Variants in SH3RF3 observed in about 807,000 individuals in gnomAD.
SH3RF3 encodes SH3 domain containing ring finger 3.
A neutral mutation model predicts 66.3 loss-of-function variants in SH3RF3; 29 were observed. The ratio of observed to expected loss-of-function variants is 0.44; its 90% confidence interval spans 0.33 to 0.60. SH3RF3 has a LOEUF of 0.60. Ranked by LOEUF, SH3RF3 falls within the 20% of genes least tolerant of loss-of-function variation. SH3RF3 has a pLI of 0.04. For missense variants in SH3RF3, 1,194 were observed against 1,190.9 expected, an observed-to-expected ratio of 1.00 and a Z score of -0.04; for synonymous variants, 583 against 532.0, an observed-to-expected ratio of 1.10 and a Z score of -1.32.
At chr2:109,483,640 T>C (rs1025037422) in intron 8 of SH3RF3, among the ~76,000 whole-genome samples, 3 of 152,220 alleles carry the variant, frequency 2.0e-5, no homozygotes, top group African/African-American at 7.2e-5. Context: ...GGAATTGGCA[T>C]AGAGTTTGGT....
At chr2:109,449,112 G>A (rs1677790917) in intron 7 of SH3RF3, 58 bp from the exon 8 acceptor site, 8 of 1,545,538 alleles carry the variant, frequency 5.2e-6, no homozygotes, top group South Asian at 1.2e-5. Flanking sequence ...CTGCCTGGCA[G>A]GCATGGCAAG....
At chr2:109,235,428 A>G (rs530479502) in intron 1 of SH3RF3, among the ~76,000 whole-genome samples, 1 of 152,282 alleles carries the variant, frequency 6.6e-6, no homozygotes, top group African/African-American at 2.4e-5. Flanking sequence ...GTGACTAGGT[A>G]CCATACAAAT....
intron 5 of SH3RF3, among the ~76,000 whole-genome samples, chr2:109,420,623 T>G (rs1396760606): frequency 6.6e-6 from 1 of 152,080 alleles, no homozygotes; most frequent in Non-Finnish European, 1.5e-5. Context: ...ATTTTTGTAT[T>G]TTTAGTAGAG....
Position 109,449,167 on chromosome 2 carries a change from C to A in SH3RF3, c.1829-3C>A, listed in dbSNP as rs1346838621. ...CCTGCTGTCTCTCCAACCCCGTCTC[C>A]AGCTGCCCACTCTGCAGCCCAGGCT... On this transcript the variant is annotated splice_region_variant and splice_polypyrimidine_tract_variant and intron_variant, in intron 7 of 9. Transcript: ENST00000309415. 3 of 1,612,876 alleles carry A rather than the reference C, an allele frequency of 1.9e-6. No homozygotes were observed. The highest frequency in any genetic ancestry group is 2.5e-6 in the Non-Finnish European group (3 of 1,179,538).
At chr2:109,333,916 A>G (rs978670769) in intron 1 of SH3RF3, among the ~76,000 whole-genome samples, 1 of 152,238 alleles carries the variant, frequency 6.6e-6, no homozygotes. Flanking sequence ...TAAGGTTGCT[A>G]TGAAGTTCAG....
chr2:109,149,809 G>C (rs746476401), intron 1 of SH3RF3, among the ~76,000 whole-genome samples: 1 of 152,238 alleles, frequency 6.6e-6, no homozygotes, highest in Non-Finnish European at 1.5e-5. Flanking sequence ...TTGTAGTGCA[G>C]GTATTTTTGT....
intron 1 of SH3RF3, among the ~76,000 whole-genome samples, chr2:109,150,392 G>T (rs998122008): frequency 6.6e-6 from 1 of 152,196 alleles, no homozygotes; most frequent in African/African-American, 2.4e-5. Context: ...ATAACCTGAT[G>T]ATAGTCGAAG....
At chr2:109,403,843 A>C (rs1573224460) in intron 4 of SH3RF3, among the ~76,000 whole-genome samples, 1 of 151,564 alleles carries the variant, frequency 6.6e-6, no homozygotes, top group African/African-American at 2.4e-5. Flanking sequence ...CTTCCCAAAA[A>C]CTCCCCTACC....
chr2:109,187,887 C>G (rs932504942), intron 1 of SH3RF3, among the ~76,000 whole-genome samples: 23 of 152,266 alleles, frequency 1.5e-4, no homozygotes, highest in Admixed American at 8.5e-4. Context: ...CCGCCGTCAC[C>G]GTGGGTGTTA....
intron 5 of SH3RF3, among the ~76,000 whole-genome samples, chr2:109,421,664 G>C (rs1226087813): frequency 6.6e-6 from 1 of 152,200 alleles, no homozygotes; most frequent in Admixed American, 6.5e-5. Flanking sequence ...TTCTCCCCCA[G>C]GGGAGGGCAC....
At chr2:109,471,062 A>G (rs1297209011) in intron 8 of SH3RF3, among the ~76,000 whole-genome samples, 1 of 152,046 alleles carries the variant, frequency 6.6e-6, no homozygotes, top group East Asian at 1.9e-4. Flanking sequence ...TCCACTAAAA[A>G]CACAAAAATT....
At chr2:109,260,191 G>T in intron 1 of SH3RF3, among the ~76,000 whole-genome samples, 1 of 152,124 alleles carries the variant, frequency 6.6e-6, no homozygotes, top group Non-Finnish European at 1.5e-5. Context: ...TGATAAGCCT[G>T]CAGTGCACTA....
intron 1 of SH3RF3, among the ~76,000 whole-genome samples, chr2:109,190,598 A>G (rs1003639366): frequency 6.6e-6 from 1 of 152,136 alleles, no homozygotes; most frequent in African/African-American, 2.4e-5. Flanking sequence ...AAATTACCAC[A>G]CTCCCATTGC....
intron 1 of SH3RF3, among the ~76,000 whole-genome samples, chr2:109,164,600 G>A (rs993160206): frequency 6.6e-6 from 1 of 152,162 alleles, no homozygotes; most frequent in Admixed American, 6.5e-5. Flanking sequence ...ACTCAGCCAG[G>A]CAGCAATGTG....
chr2:109,347,605 C>T (rs1682739787), intron 1 of SH3RF3, 69 bp from the exon 2 acceptor site: 1 of 1,554,342 alleles, frequency 6.4e-7, no homozygotes, highest in Non-Finnish European at 8.7e-7. Flanking sequence ...CCGGCCTGCC[C>T]CGGCAGATCC....
At chr2:109,166,471 A>AAG (rs1553478811) in intron 1 of SH3RF3, among the ~76,000 whole-genome samples, 1 of 151,410 alleles carries the variant, frequency 6.6e-6, no homozygotes, top group Non-Finnish European at 1.5e-5. Flanking sequence ...AAAAAAAAAA[A>AAG]AAAGAAAGAA....
intron 1 of SH3RF3, among the ~76,000 whole-genome samples, chr2:109,136,977 A>G (rs1676829816): frequency 6.6e-6 from 1 of 152,198 alleles, no homozygotes; most frequent in Admixed American, 6.5e-5. Context: ...CTCTGGCTTC[A>G]CTGCACAGAT....
intron 1 of SH3RF3, among the ~76,000 whole-genome samples, chr2:109,182,612 C>T (rs1193904860): frequency 2.0e-5 from 3 of 152,250 alleles, no homozygotes; most frequent in South Asian, 2.1e-4. Flanking sequence ...ATCGATGTTG[C>T]GTAAATTGGT....
At chr2:109,184,285 C>G (rs1678135849) in intron 1 of SH3RF3, among the ~76,000 whole-genome samples, 1 of 152,210 alleles carries the variant, frequency 6.6e-6, no homozygotes, top group East Asian at 1.9e-4. Context: ...TCTGTTCCTT[C>G]TCCCTTACTT....
Sources: gnomAD v4.1 joint callset for allele counts (sites outside exome capture counted in the v4.1 genomes callset) on GRCh38, gnomAD v4.1.1 for gene constraint, MANE v1.5 for transcripts, NCBI Gene and HGNC (gene_info 2026-07-23, HGNC 2026-07-21) for gene names.